Variants in PTPRD observed in about 807,000 individuals in gnomAD.
PTPRD encodes the protein receptor-type tyrosine-protein phosphatase delta.
A neutral mutation model predicts 214.5 loss-of-function variants in PTPRD; 34 were observed. That is an observed-to-expected ratio of 0.16 (90% CI 0.12 to 0.21). The LOEUF (loss-of-function observed/expected upper bound fraction) is 0.21. PTPRD is among the 10% of genes least tolerant of loss of function. PTPRD has a pLI of 1.00. For missense variants in PTPRD, 2,545 were observed against 2,398.7 expected, an observed-to-expected ratio of 1.06 and a Z score of -1.27; for synonymous variants, 1,128 against 845.7, an observed-to-expected ratio of 1.33 and a Z score of -5.79.
In PTPRD at chr9:10,477,487, G is replaced by A. The variant is rs147234045; in HGVS notation, c.-600+134911C>T. Among the ~76,000 whole-genome samples the A allele has an allele frequency of 2.5e-3, 380 of 152,268 alleles. 3 individuals carry two copies. Among genetic ancestry groups the A allele is most frequent in the African/African-American group, 8.8e-3 (367 of 41,562 alleles). ...ATTAAAAAGTCAGGAAACAACAGAT[G>A]TTGAAGAGGATGTGGAGAAATAAGA... On this transcript the variant is annotated intron_variant, in intron 2 of 45. Coordinates refer to ENST00000381196, the MANE Select transcript of PTPRD (RefSeq NM_002839.4).
chr9:9,686,961 C>T (rs1323214042), intron 7 of PTPRD, among the ~76,000 whole-genome samples: 1 of 151,616 alleles, frequency 6.6e-6, no homozygotes, highest in Admixed American at 6.6e-5. Flanking sequence ...AGACATTGTC[C>T]CTGCCTTGCC....
intron 7 of PTPRD, among the ~76,000 whole-genome samples, chr9:9,733,017 T>G (rs953645600): frequency 1.4e-4 from 21 of 152,200 alleles, no homozygotes; most frequent in African/African-American, 4.8e-4. Flanking sequence ...GGTATTTGTT[T>G]GGTAGAAATT....
chr9:9,791,730 G>A (rs770756354), intron 5 of PTPRD, among the ~76,000 whole-genome samples: 8 of 151,834 alleles, frequency 5.3e-5, no homozygotes, highest in Non-Finnish European at 8.8e-5. Context: ...TTTTAATTAT[G>A]TTTCCTATAT....
At chr9:10,426,100 A>G (rs1435119956) in intron 2 of PTPRD, among the ~76,000 whole-genome samples, 1 of 152,010 alleles carries the variant, frequency 6.6e-6, no homozygotes, top group Non-Finnish European at 1.5e-5. Flanking sequence ...TAATGATGCA[A>G]TACTAAAGCC....
intron 8 of PTPRD, among the ~76,000 whole-genome samples, chr9:9,397,733 G>T (rs950920244): frequency 4.6e-5 from 7 of 151,848 alleles, no homozygotes; most frequent in African/African-American, 1.7e-4. Context: ...GCATATATAT[G>T]TATTGCACCA....
rs143602349 is a variant in PTPRD at position 9,405,230 on chromosome 9, T to C, written c.-236-7748A>G. Among the ~76,000 whole-genome samples the C allele has an allele frequency of 3.3e-5, 5 of 152,250 alleles. No individual in the cohort carries two copies. The East Asian group carries it at 9.7e-4, about 29-fold the overall frequency. On this transcript the variant is annotated intron_variant, in intron 8 of 45. Coordinates refer to ENST00000381196, the MANE Select transcript of PTPRD (RefSeq NM_002839.4). Reference sequence around the variant, plus strand: ...TTGGGAAAAGCAGATACAACAAATTTACAATGTAGTTGCAGCTTAATATTT... The same window carrying C: ...TTGGGAAAAGCAGATACAACAAATTCACAATGTAGTTGCAGCTTAATATTT...
chr9:10,282,625 G>A (rs527952930), intron 3 of PTPRD, among the ~76,000 whole-genome samples: 6 of 152,248 alleles, frequency 3.9e-5, no homozygotes, highest in East Asian at 1.9e-4. Flanking sequence ...AACCCTGGCT[G>A]TACATTAGAA....
chr9:8,746,603 T>A (rs1386134200), intron 11 of PTPRD, among the ~76,000 whole-genome samples: 1 of 152,216 alleles, frequency 6.6e-6, no homozygotes, highest in Non-Finnish European at 1.5e-5. Flanking sequence ...TGTAGTAACT[T>A]TCTCAACACC....
chr9:9,057,229 G>T (rs1003390363), intron 10 of PTPRD, among the ~76,000 whole-genome samples: 4 of 152,052 alleles, frequency 2.6e-5, no homozygotes, highest in African/African-American at 9.7e-5. Flanking sequence ...ACATTCAAAA[G>T]ATTACTCTGC....
chr9:9,769,864 G>A (rs1442174929), intron 5 of PTPRD, among the ~76,000 whole-genome samples: 3 of 152,046 alleles, frequency 2.0e-5, no homozygotes, highest in African/African-American at 7.2e-5. Flanking sequence ...GTGGTGTCTG[G>A]TTTTCTGTTC....
chr9:9,439,908 G>T (rs2086842358), intron 8 of PTPRD, among the ~76,000 whole-genome samples: 1 of 152,134 alleles, frequency 6.6e-6, no homozygotes, highest in Non-Finnish European at 1.5e-5. Context: ...CTTGCAGCTG[G>T]GAAGTGGCAG....
intron 4 of PTPRD, among the ~76,000 whole-genome samples, chr9:10,014,428 T>C (rs2154110714): frequency 6.6e-6 from 1 of 152,188 alleles, no homozygotes; most frequent in Admixed American, 6.5e-5. Context: ...CCAGTGACCA[T>C]GAAGCATTCT....
chr9:10,326,393 A>T (rs1483175245), intron 3 of PTPRD, among the ~76,000 whole-genome samples: 1 of 151,790 alleles, frequency 6.6e-6, no homozygotes, highest in East Asian at 1.9e-4. Context: ...TTATTAACTA[A>T]ACAAAGTTTA....
chr9:8,658,051 G>T (rs957537115), intron 12 of PTPRD, among the ~76,000 whole-genome samples: 20 of 152,188 alleles, frequency 1.3e-4, no homozygotes, highest in Admixed American at 4.6e-4. Context: ...AATATGCTTT[G>T]TTCTTTTATC....
chr9:8,891,394 A>T (rs2098538989), intron 11 of PTPRD, among the ~76,000 whole-genome samples: 1 of 151,406 alleles, frequency 6.6e-6, no homozygotes, highest in African/African-American at 2.4e-5. Flanking sequence ...GGCCTCCCAA[A>T]GTGCTGGGAT....
intron 9 of PTPRD, among the ~76,000 whole-genome samples, chr9:9,202,067 A>G (rs2099942164): frequency 6.6e-6 from 1 of 152,218 alleles, no homozygotes; most frequent in African/African-American, 2.4e-5. Context: ...AAAAGCCTTG[A>G]TGGAAAAGAT....
chr9:9,119,712 C>T (rs1352844774), intron 10 of PTPRD, among the ~76,000 whole-genome samples: 2 of 151,830 alleles, frequency 1.3e-5, no homozygotes, highest in African/African-American at 2.4e-5. Context: ...TTAGTAGAGA[C>T]GGGGTTTCAC....
intron 11 of PTPRD, among the ~76,000 whole-genome samples, chr9:8,821,974 C>A (rs2097076470): frequency 6.6e-6 from 1 of 152,170 alleles, no homozygotes; most frequent in Non-Finnish European, 1.5e-5. Context: ...AAAACTAACT[C>A]TTTAACAAGG....
intron 2 of PTPRD, among the ~76,000 whole-genome samples, chr9:10,400,291 C>T (rs974734939): frequency 1.5e-4 from 23 of 151,636 alleles, no homozygotes; most frequent in Non-Finnish European, 2.5e-4. Context: ...CAGAGAAAGT[C>T]TTCAATAAAT....
Sources: allele counts gnomAD v4.1 joint callset (sites outside exome capture counted in the v4.1 genomes callset), GRCh38; gene constraint gnomAD v4.1.1; transcripts MANE v1.5; gene names NCBI Gene and HGNC (gene_info 2026-07-23, HGNC 2026-07-21).